The following PATJ variants were observed in gnomAD, a reference collection of about 807,000 sequenced individuals.
PATJ encodes the protein PATJ crumbs cell polarity complex component.
In PATJ, 190 loss-of-function variants were observed where a neutral mutation model predicts 224.9. The ratio of observed to expected loss-of-function variants is 0.84; its 90% CI spans 0.75 to 0.95. The LOEUF is 0.95. Ranked by LOEUF, PATJ falls within the 40% of genes least tolerant of loss-of-function variation. PATJ has a pLI of 0.00. For synonymous variants in PATJ, 769 were observed against 820.3 expected (o/e 0.94, Z 1.07); for missense variants, 2,121 against 2,270.3 (o/e 0.93, Z 1.34).
chr1:62,047,009 C>T (rs891478519), intron 30 of PATJ, among the ~76,000 whole-genome samples: 1 of 152,136 alleles, frequency 6.6e-6, no homozygotes, highest in Non-Finnish European at 1.5e-5. Flanking sequence ...TTTATAAAGA[C>T]CAAGAATATC....
intron 28 of PATJ, among the ~76,000 whole-genome samples, chr1:61,998,545 C>T (rs996511477): frequency 2.0e-5 from 3 of 152,092 alleles, no homozygotes; most frequent in East Asian, 1.9e-4. Context: ...AAAAATTTAA[C>T]GCCACTTTGA....
chr1:62,113,059 G>A (rs1168542654), intron 34 of PATJ, among the ~76,000 whole-genome samples: 2 of 152,150 alleles, frequency 1.3e-5, no homozygotes, highest in Non-Finnish European at 2.9e-5. Context: ...TATTCATTAA[G>A]GACTAGCACA....
At chr1:61,814,598 T>C (rs1256416567) in intron 14 of PATJ, among the ~76,000 whole-genome samples, 1 of 151,856 alleles carries the variant, frequency 6.6e-6, no homozygotes, top group Non-Finnish European at 1.5e-5. Context: ...AGTTTTTCCA[T>C]GTAACATTAT....
At position 61,762,999 on chromosome 1, in the gene PATJ, C is replaced by A. The variant is rs1570327526; in HGVS notation, c.23-14C>A. 3 of 1,598,226 alleles carry A rather than the reference C, an allele frequency of 1.9e-6. No homozygotes were observed. The highest frequency in any genetic ancestry group is 2.6e-6 in the Non-Finnish European group (3 of 1,170,742). On this transcript the variant is annotated splice_polypyrimidine_tract_variant and intron_variant, in intron 2 of 43. Transcript: ENST00000642238. ...GGACTTAACTATTACTCTACTTATT[C>A]ATCTTGACCCAAGATAAACTGCAGG...
chr1:62,097,196 G>A (rs970196328), intron 33 of PATJ, among the ~76,000 whole-genome samples: 2 of 152,122 alleles, frequency 1.3e-5, no homozygotes, highest in Admixed American at 1.3e-4. Context: ...GCCATAGCCA[G>A]TACTCTTCCC....
intron 28 of PATJ, among the ~76,000 whole-genome samples, chr1:62,000,884 G>A (rs1012208780): frequency 2.7e-5 from 4 of 150,918 alleles, no homozygotes; most frequent in African/African-American, 9.9e-5. Context: ...TTTAATGATT[G>A]CCATTCTAAC....
chr1:62,016,603 A>C (rs1016347050), intron 28 of PATJ, among the ~76,000 whole-genome samples: 1 of 152,234 alleles, frequency 6.6e-6, no homozygotes, highest in Non-Finnish European at 1.5e-5. Context: ...AGCTATCATC[A>C]TAGTTTATCA....
In PATJ at chr1:61,762,588, G is replaced by A. The variant is rs568982004; in HGVS notation, c.-35-270G>A. Among the ~76,000 whole-genome samples, 11 of 152,200 alleles carry A rather than the reference G, an allele frequency of 7.2e-5. No individual in the cohort carries two copies. In the South Asian group the frequency reaches 1.9e-3, roughly 26 times the overall value. On this transcript the variant is annotated intron_variant, in intron 1 of 43. Transcript: ENST00000642238. Reference sequence around the variant, plus strand: ...CTTTATAAGAAACTACCAATTTTCCGAAGTGGTTGTGATATTTTACGTTTC... The same window carrying A: ...CTTTATAAGAAACTACCAATTTTCCAAAGTGGTTGTGATATTTTACGTTTC...
rs190987226 is a variant in PATJ at position 62,119,171 on chromosome 1, T to C, written c.4890+1953T>C. 2.9e-3 allele frequency among the ~76,000 whole-genome samples: 434 copies of C among 147,776 alleles called. 1 individual carries two copies. The highest frequency in any genetic ancestry group is 0.014 in the Middle Eastern group (4 of 284). ...TCAATTTTTAAAAACAGTAAATATA[T>C]CTTATCATCACCTTGTGCTTAAAAT... On this transcript the variant is annotated intron_variant, in intron 37 of 43. Transcript: ENST00000642238.
intron 3 of PATJ, among the ~76,000 whole-genome samples, chr1:61,763,692 C>CTT (rs1646098931): frequency 3.4e-5 from 5 of 148,056 alleles, no homozygotes; most frequent in South Asian, 2.2e-4. Context: ...CAAGGTTTCT[C>CTT]TCTGTCACTG....
chr1:61,750,558 C>G (rs1427454091), intron 1 of PATJ, among the ~76,000 whole-genome samples: 2 of 149,454 alleles, frequency 1.3e-5, no homozygotes, highest in African/African-American at 2.5e-5. Context: ...GGTACTATTA[C>G]TACTGAGTAG....
At chr1:61,952,996 G>C (rs1262659881) in intron 27 of PATJ, among the ~76,000 whole-genome samples, 1 of 152,108 alleles carries the variant, frequency 6.6e-6, no homozygotes, top group Non-Finnish European at 1.5e-5. Flanking sequence ...GTTGTGTTTG[G>C]TGCCTCATTC....
chr1:61,817,559 G>A lies in PATJ; in HGVS notation c.1684-5386G>A, dbSNP rs151082113. Among the ~76,000 whole-genome samples, 543 of 152,274 alleles carry A rather than the reference G, an allele frequency of 3.6e-3. 5 individuals carry two copies. The highest frequency in any genetic ancestry group is 0.013 in the African/African-American group (524 of 41,554). Reference sequence around the variant, plus strand: ...TGCACCTGTAATCCCAGCTGCTGGGGAGGTTAAGGCAGAATCACTTGAACT... The same window carrying A: ...TGCACCTGTAATCCCAGCTGCTGGGAAGGTTAAGGCAGAATCACTTGAACT... On this transcript the variant is annotated intron_variant, in intron 14 of 43. Coordinates refer to ENST00000642238, the MANE Select transcript of PATJ (RefSeq NM_001350145.3).
intron 33 of PATJ, among the ~76,000 whole-genome samples, chr1:62,101,538 C>G (rs1662180978): frequency 2.0e-5 from 3 of 152,178 alleles, no homozygotes; most frequent in Admixed American, 2.0e-4. Context: ...GCTGGGATTA[C>G]AGGCGTGAGC....
At chr1:61,881,841 T>G (rs1223183325) in intron 21 of PATJ, among the ~76,000 whole-genome samples, 1 of 152,192 alleles carries the variant, frequency 6.6e-6, no homozygotes, top group Non-Finnish European at 1.5e-5. Context: ...AAAGCTCCTT[T>G]ACGAGATTAT....
intron 8 of PATJ, 26 bp downstream of exon 8, chr1:61,787,998 C>A (rs768617041): frequency 5.1e-6 from 8 of 1,566,338 alleles, no homozygotes; most frequent in Non-Finnish European, 7.0e-6. Context: ...ATTCTTTCAT[C>A]TTAAACCAAA....
intron 27 of PATJ, among the ~76,000 whole-genome samples, chr1:61,945,142 C>T (rs1296539497): frequency 1.3e-5 from 2 of 152,128 alleles, no homozygotes; most frequent in African/African-American, 2.4e-5. Flanking sequence ...GTAAAGACCA[C>T]TGATGCTAGG....
intron 13 of PATJ, among the ~76,000 whole-genome samples, chr1:61,807,864 G>A (rs1653911666): frequency 6.6e-6 from 1 of 152,186 alleles, no homozygotes. Flanking sequence ...TGCTTGCAAG[G>A]AATTCACTTC....
At chr1:61,786,570 G>T (rs948482600) in intron 7 of PATJ, among the ~76,000 whole-genome samples, 1 of 152,022 alleles carries the variant, frequency 6.6e-6, no homozygotes, top group Non-Finnish European at 1.5e-5. Context: ...TACCTCTGTA[G>T]TCTGCATCTC....
Sources: gnomAD v4.1 joint callset for allele counts (sites outside exome capture counted in the v4.1 genomes callset) on GRCh38, gnomAD v4.1.1 for gene constraint, MANE v1.5 for transcripts, NCBI Gene and HGNC (gene_info 2026-07-23, HGNC 2026-07-21) for gene names.